The following YLPM1 variants were observed in gnomAD, a reference collection of about 807,000 sequenced individuals.
YLPM1 encodes YLP motif-containing protein 1.
YLPM1 carries 99 observed loss-of-function variants against 230.0 expected under a neutral mutation model. That is an observed-to-expected ratio of 0.43 (90% confidence interval 0.37 to 0.51). The LOEUF (loss-of-function observed/expected upper bound fraction) is 0.51, where lower values mean the gene tolerates loss of function less well. Among genes scored for constraint, YLPM1 ranks in the 20% least tolerant of loss-of-function variants. The pLI is 0.00. For missense variants in YLPM1, 2,592 were observed against 2,707.7 expected (o/e 0.96, Z 0.95); for synonymous variants, 984 against 942.5 (o/e 1.04, Z -0.81).
At chr14:74,833,478 C>T (rs1046426988) in intron 19 of YLPM1, among the ~76,000 whole-genome samples, 8 of 152,178 alleles carry the variant, frequency 5.3e-5, no homozygotes, top group Admixed American at 2.0e-4. Context: ...GTCTTGAACA[C>T]CTAGGCTGAC....
At chr14:74,828,610 A>G (rs2091584947) in intron 18 of YLPM1, among the ~76,000 whole-genome samples, 1 of 152,132 alleles carries the variant, frequency 6.6e-6, no homozygotes, top group South Asian at 2.1e-4. Context: ...TAGCCTCAGA[A>G]TGGTCAACTT....
chr14:74,767,610 T>G (rs1390780348), intron 1 of YLPM1, among the ~76,000 whole-genome samples: 2 of 152,218 alleles, frequency 1.3e-5, no homozygotes, highest in Non-Finnish European at 2.9e-5. Flanking sequence ...CCAAAAATGT[T>G]TCCACACATT....
At chr14:74,797,045 C>G (rs534718448) in intron 4 of YLPM1, among the ~76,000 whole-genome samples, 1 of 141,904 alleles carries the variant, frequency 7.0e-6, no homozygotes, top group East Asian at 2.1e-4. Flanking sequence ...GATCTCAGCT[C>G]ACTGCAACCT....
intron 4 of YLPM1, among the ~76,000 whole-genome samples, chr14:74,788,132 T>C (rs1375675035): frequency 6.6e-6 from 1 of 152,086 alleles, no homozygotes; most frequent in Non-Finnish European, 1.5e-5. Context: ...TTTTTTTCTT[T>C]TTTTTTGAGA....
intron 1 of YLPM1, among the ~76,000 whole-genome samples, chr14:74,773,337 A>G (rs2140076440): frequency 6.6e-6 from 1 of 152,044 alleles, no homozygotes; most frequent in East Asian, 1.9e-4. Flanking sequence ...TCAGTGAATC[A>G]ACAAGTACTT....
chr14:74,793,478 C>T (rs1405573689), intron 4 of YLPM1, among the ~76,000 whole-genome samples: 1 of 151,790 alleles, frequency 6.6e-6, no homozygotes, highest in Non-Finnish European at 1.5e-5. Context: ...GCACATTGTT[C>T]TTGATTTATA....
In YLPM1 at chr14:74,797,506, T is replaced by A; in HGVS notation, c.2283-74T>A. The A allele has an allele frequency of 3.1e-6, 4 of 1,301,784 alleles. No homozygotes were observed. In the South Asian group the frequency reaches 7.4e-5, roughly 24 times the overall value. The allele number at this position is 1,301,784 out of a possible 1,614,324, so 80.6% of individuals were successfully genotyped here. ...AAACAAATTCTAAGGCAAGAGTGCC[T>A]TAAATATTCTTACATGGAGAATTTT... is the stretch of plus-strand genomic sequence containing the variant. On this transcript the variant is annotated intron_variant, in intron 4 of 20. Transcript: ENST00000325680.
chr14:74,809,415 C>G lies in YLPM1; in HGVS notation c.4557C>G (p.Gly1519=), dbSNP rs117142821. The change falls in exon 7 of 21, where the codon GGC becomes GGG. Residue 1519 remains glycine, a synonymous_variant. Transcript: ENST00000325680. ...CGTATAGACCTCCCCCTCCTATGGG[C>G]AAACCACCAGGTTCAATTGTAAGAC... ...PGSYRPPPPM[G]KPPGSIVRPS... is the part of the protein sequence containing the mutation. 1 of 1,608,910 alleles carries G rather than the reference C, an allele frequency of 6.2e-7. No individual in the cohort carries two copies.
chr14:74,779,976 G>A (rs1237855030), intron 2 of YLPM1, among the ~76,000 whole-genome samples: 1 of 152,040 alleles, frequency 6.6e-6, no homozygotes, highest in Non-Finnish European at 1.5e-5. Context: ...GCTAATTTTT[G>A]TATTTTTAGT....
chr14:74,832,313 C>T (rs925118627), intron 19 of YLPM1, among the ~76,000 whole-genome samples: 1 of 152,008 alleles, frequency 6.6e-6, no homozygotes, highest in Non-Finnish European at 1.5e-5. Flanking sequence ...TGTCTTTGTA[C>T]GAAGTCTATG....
At chr14:74,811,874 A>G (rs2091438185) in intron 10 of YLPM1, 136 bp downstream of exon 10, 5 of 561,420 alleles carry the variant, frequency 8.9e-6, no homozygotes, top group Non-Finnish European at 1.5e-5. Context: ...CATTGTCCTA[A>G]AAAATAGCAG....
chr14:74,792,150 A>G (rs1479926705), intron 4 of YLPM1, among the ~76,000 whole-genome samples: 3 of 152,106 alleles, frequency 2.0e-5, no homozygotes, highest in African/African-American at 7.2e-5. Context: ...CTGTAAATAT[A>G]TACTCTCCAT....
Position 74,799,563 on chromosome 14 carries a change from C to CTCACATCAT in YLPM1, c.4269_4277dup (p.His1424_Ser1426dup), listed in dbSNP as rs747463152. ...CCCCCATGGCGGAACATATGCCCTC[C>CTCACATCAT]TCACATCATTCCTCAGAAATGATGG... On this transcript the variant is annotated inframe_insertion, in exon 5 of 21. Transcript: ENST00000325680. 9.3e-6 allele frequency: 15 copies of CTCACATCAT among 1,613,832 alleles called. No individual in the cohort carries two copies. In the African/African-American group the frequency reaches 2.0e-4, roughly 22 times the overall value.
In YLPM1 at chr14:74,780,399, C is replaced by T. The variant is rs1456470566; in HGVS notation, c.1111-6C>T. 1.2e-6 allele frequency: 2 copies of T among 1,605,836 alleles called. No individual in the cohort carries two copies. The highest frequency in any genetic ancestry group is 1.7e-5 in the Admixed American group (1 of 58,538). ...TACATAAAGATGTGTCCTCTTTTATCTTTAGTCTGAGGACCCAGAAGAAGA... is the reference window on the plus strand; with the variant it reads ...TACATAAAGATGTGTCCTCTTTTATTTTTAGTCTGAGGACCCAGAAGAAGA... On this transcript the variant is annotated splice_region_variant and splice_polypyrimidine_tract_variant and intron_variant, in intron 2 of 20. Coordinates refer to ENST00000325680, the MANE Select transcript of YLPM1 (RefSeq NM_019589.3).
chr14:74,832,073 GAAATATAAGTACCTC>G (rs1263657726), intron 19 of YLPM1, among the ~76,000 whole-genome samples: 1 of 152,128 alleles, frequency 6.6e-6, no homozygotes, highest in East Asian at 1.9e-4. Flanking sequence ...TACAGTGGAT[GAAATATAAGTACCTC>G]AAACCTTTGA....
At chr14:74,772,963 C>A (rs2090993467) in intron 1 of YLPM1, among the ~76,000 whole-genome samples, 3 of 152,292 alleles carry the variant, frequency 2.0e-5, no homozygotes, top group African/African-American at 7.2e-5. Context: ...GATCTGGTTA[C>A]TACTTATAGG....
Position 74,798,881 on chromosome 14 carries a change from A to G in YLPM1, c.3584A>G (p.His1195Arg), listed in dbSNP as rs1201214331. 21 of 1,613,858 alleles carry G rather than the reference A, an allele frequency of 1.3e-5. No homozygotes were observed. Among genetic ancestry groups the G allele is most frequent in the Middle Eastern group, 1.6e-4 (1 of 6,084 alleles). Residue 1195 changes from histidine to arginine, a missense_variant, in exon 5 of 21, where the codon CAT (histidine) becomes CGT (arginine). Transcript: ENST00000325680. ...RDEPPRAPWN[H>R]GEERGHEEFP... Reference sequence around the variant, plus strand: ...GAGCCTCCTAGGGCTCCATGGAACCATGGAGAAGAGCGAGGGCATGAAGAG... The same window carrying G: ...GAGCCTCCTAGGGCTCCATGGAACCGTGGAGAAGAGCGAGGGCATGAAGAG...
intron 4 of YLPM1, among the ~76,000 whole-genome samples, chr14:74,789,137 A>G (rs1448635217): frequency 6.6e-6 from 1 of 152,164 alleles, no homozygotes; most frequent in African/African-American, 2.4e-5. Context: ...CATTAGTGTC[A>G]TATTTTAATT....
At chr14:74,771,637 A>T (rs112900069) in intron 1 of YLPM1, among the ~76,000 whole-genome samples, 1 of 152,226 alleles carries the variant, frequency 6.6e-6, no homozygotes, top group Non-Finnish European at 1.5e-5. Context: ...CAAGATAAAG[A>T]CTGCGAGTTA....
Sources: gnomAD v4.1 joint callset for allele counts (sites outside exome capture counted in the v4.1 genomes callset) on GRCh38, gnomAD v4.1.1 for gene constraint, MANE v1.5 for transcripts, NCBI Gene and HGNC (gene_info 2026-07-23, HGNC 2026-07-21) for gene names.